The following ERC1 variants were observed in gnomAD, a reference collection of about 807,000 sequenced individuals.
ERC1 encodes the protein ELKS/RAB6-interacting/CAST family member 1, also known as RAB6 interacting protein 2.
In ERC1, 56 loss-of-function variants were observed where a neutral mutation model predicts 132.0. The ratio of observed to expected loss-of-function variants is 0.42; its 90% CI spans 0.34 to 0.53. ERC1 has a LOEUF of 0.53. Ranked by LOEUF, ERC1 falls within the 20% of genes least tolerant of loss-of-function variation. The probability of loss-of-function intolerance (pLI) is 0.03; values close to 1 mark genes in which losing one functional copy is unlikely to be tolerated. For synonymous variants in ERC1, 478 were observed against 476.1 expected (o/e 1.00, Z -0.05); for missense variants, 1,202 against 1,349.9 (o/e 0.89, Z 1.72).
At chr12:1,160,841 C>T (rs1358582301) in intron 8 of ERC1, among the ~76,000 whole-genome samples, 1 of 152,186 alleles carries the variant, frequency 6.6e-6, no homozygotes, top group Non-Finnish European at 1.5e-5. Context: ...AGCAATGCTC[C>T]TGCCTTGGCC....
chr12:1,199,306 G>A (rs1956668291), intron 12 of ERC1, among the ~76,000 whole-genome samples: 1 of 152,224 alleles, frequency 6.6e-6, no homozygotes, highest in Admixed American at 6.5e-5. Context: ...ATGAGATTTG[G>A]GTGGGGACAT....
At chr12:1,245,736 A>G (rs1273694697) in intron 13 of ERC1, among the ~76,000 whole-genome samples, 1 of 152,220 alleles carries the variant, frequency 6.6e-6, no homozygotes, top group East Asian at 1.9e-4. Context: ...CAGAGATTCT[A>G]AACACTTTTT....
At chr12:1,348,585 C>T (rs1243885722) in intron 15 of ERC1, among the ~76,000 whole-genome samples, 6 of 151,854 alleles carry the variant, frequency 4.0e-5, no homozygotes, top group Admixed American at 6.6e-5. Context: ...CCCAATTACT[C>T]GGGAGGCTGA....
chr12:1,236,934 CG>C (rs1566340743), intron 13 of ERC1, 30 bp downstream of exon 13: 1 of 1,609,952 alleles, frequency 6.2e-7, no homozygotes. Flanking sequence ...CTGAAAGGAT[CG>C]GGTGAAGACA....
chr12:1,017,240 AC>A (rs1265232309), intron 1 of ERC1, among the ~76,000 whole-genome samples: 2 of 151,268 alleles, frequency 1.3e-5, no homozygotes, highest in East Asian at 4.0e-4. Context: ...CAGGTGATCC[AC>A]CCGCCTCAGC....
intron 18 of ERC1, among the ~76,000 whole-genome samples, chr12:1,472,704 AAAGG>A (rs1415162766): frequency 2.0e-5 from 3 of 151,994 alleles, no homozygotes; most frequent in Admixed American, 6.6e-5. Context: ...GAAAAGGAAA[AAAGG>A]AAGGAAGGGA....
At chr12:998,680 T>C (rs1388481107) in intron 1 of ERC1, among the ~76,000 whole-genome samples, 1 of 152,122 alleles carries the variant, frequency 6.6e-6, no homozygotes, top group African/African-American at 2.4e-5. Context: ...GATTTCACAA[T>C]TGCATGAATG....
intron 7 of ERC1, among the ~76,000 whole-genome samples, chr12:1,133,208 T>A (rs1018399620): frequency 2.0e-5 from 3 of 152,114 alleles, no homozygotes; most frequent in Admixed American, 6.5e-5. Context: ...TTTTTGCTTT[T>A]GGTTAGAGGT....
At chr12:1,190,987 G>C (rs553420743) in intron 12 of ERC1, among the ~76,000 whole-genome samples, 7 of 151,874 alleles carry the variant, frequency 4.6e-5, no homozygotes, top group Non-Finnish European at 7.4e-5. Flanking sequence ...TGGTAGACTT[G>C]ATACTGTCCT....
intron 2 of ERC1, among the ~76,000 whole-genome samples, chr12:1,032,635 G>A (rs1465306094): frequency 6.6e-6 from 1 of 152,152 alleles, no homozygotes; most frequent in Admixed American, 6.5e-5. Flanking sequence ...TGATTTTGAT[G>A]TCTCTTCACC....
At chr12:1,066,854 A>C (rs1939303347) in intron 2 of ERC1, among the ~76,000 whole-genome samples, 1 of 151,460 alleles carries the variant, frequency 6.6e-6, no homozygotes, top group Non-Finnish European at 1.5e-5. Flanking sequence ...AAAAAAAAAA[A>C]TTAGCAAGAA....
intron 16 of ERC1, among the ~76,000 whole-genome samples, chr12:1,385,633 A>G (rs1254123101): frequency 6.6e-6 from 1 of 152,104 alleles, no homozygotes; most frequent in Non-Finnish European, 1.5e-5. Flanking sequence ...AACAGAAGGA[A>G]ACCTGTTTTT....
At chr12:1,414,868 G>A (rs1049905256) in intron 17 of ERC1, among the ~76,000 whole-genome samples, 1 of 152,132 alleles carries the variant, frequency 6.6e-6, no homozygotes, top group Admixed American at 6.5e-5. Flanking sequence ...CTGTGTGTGT[G>A]TGTATTTATT....
At chr12:1,462,600 T>C (rs910198805) in intron 18 of ERC1, among the ~76,000 whole-genome samples, 1 of 152,234 alleles carries the variant, frequency 6.6e-6, no homozygotes, top group Non-Finnish European at 1.5e-5. Flanking sequence ...AAATGTATTA[T>C]TCCATTTATA....
rs1031414419 is a variant in ERC1 at position 1,168,011 on chromosome 12, G to A, written c.1738-12529G>A. On this transcript the variant is annotated intron_variant, in intron 8 of 18. Transcript: ENST00000360905. Reference sequence around the variant, plus strand: ...TTGCAGGCGTGAGTCACCGCGCCCCGTCAGCCTTTGGGCTTCTTATATACA... The same window carrying A: ...TTGCAGGCGTGAGTCACCGCGCCCCATCAGCCTTTGGGCTTCTTATATACA... Among the ~76,000 whole-genome samples, 9 of 152,048 alleles carry A rather than the reference G, an allele frequency of 5.9e-5. 1 individual carries two copies. The highest frequency in any genetic ancestry group is 1.2e-4 in the Non-Finnish European group (8 of 68,000).
At chr12:1,255,781 C>T (rs2076771662) in intron 13 of ERC1, among the ~76,000 whole-genome samples, 1 of 151,448 alleles carries the variant, frequency 6.6e-6, no homozygotes, top group South Asian at 2.1e-4. Context: ...TACAGGCACC[C>T]ACCACCACTC....
intron 18 of ERC1, among the ~76,000 whole-genome samples, chr12:1,464,511 C>CTTT (rs34542821): frequency 0.019 from 1,266 of 67,476 alleles, 67 homozygotes; most frequent in Non-Finnish European, 0.028. Flanking sequence ...ATGCAAAAGC[C>CTTT]TTTTTTTTTT....
chr12:1,010,405 C>T (rs140312674), intron 1 of ERC1, among the ~76,000 whole-genome samples: 4,536 of 147,934 alleles, frequency 0.031, 95 homozygotes, highest in Non-Finnish European at 0.044. Flanking sequence ...CGCTTGAACC[C>T]GGGAGGAGAG....
intron 8 of ERC1, among the ~76,000 whole-genome samples, chr12:1,170,536 A>G (rs993268656): frequency 1.3e-5 from 2 of 152,074 alleles, no homozygotes. Flanking sequence ...CCACAGAAGG[A>G]TTGCCGTTGT....
Sources: gnomAD v4.1 joint callset for allele counts (sites outside exome capture counted in the v4.1 genomes callset) on GRCh38, gnomAD v4.1.1 for gene constraint, MANE v1.5 for transcripts, NCBI Gene and HGNC (gene_info 2026-07-23, HGNC 2026-07-21) for gene names.